The following PALS2 variants were observed in gnomAD, a reference collection of about 807,000 sequenced individuals.
PALS2 encodes the protein protein associated with LIN7 2, MAGUK p55 family member, also known as protein PALS2.
In PALS2, 27 loss-of-function variants were observed where a neutral mutation model predicts 61.6. That is an observed-to-expected ratio of 0.44 (90% CI 0.32 to 0.60). PALS2 has a LOEUF of 0.60. Ranked by LOEUF, PALS2 falls within the 20% of genes least tolerant of loss-of-function variation. The pLI is 0.05. For synonymous variants in PALS2, 236 were observed against 218.6 expected, an observed-to-expected ratio of 1.08 and a Z score of -0.70; for missense variants, 554 against 639.4, an observed-to-expected ratio of 0.87 and a Z score of 1.44.
At chr7:24,678,282 A>G (rs1224729813) in intron 9 of PALS2, among the ~76,000 whole-genome samples, 1 of 152,220 alleles carries the variant, frequency 6.6e-6, no homozygotes, top group East Asian at 1.9e-4. Context: ...AAGCTGTAAA[A>G]TATCAGACAA....
intron 1 of PALS2, among the ~76,000 whole-genome samples, chr7:24,582,708 T>A (rs1220870165): frequency 6.6e-6 from 1 of 151,892 alleles, no homozygotes; most frequent in South Asian, 2.1e-4. Context: ...ATTATTTGCT[T>A]TTTTTATTCC....
intron 5 of PALS2, 54 bp downstream of exon 5, chr7:24,650,766 A>C: frequency 1.6e-6 from 2 of 1,215,946 alleles, no homozygotes; most frequent in Non-Finnish European, 2.3e-6. Flanking sequence ...TTTTAATCAC[A>C]GTGTTGGAAA....
chr7:24,586,596 G>A (rs1783073256), intron 1 of PALS2, among the ~76,000 whole-genome samples: 1 of 152,156 alleles, frequency 6.6e-6, no homozygotes, highest in South Asian at 2.1e-4. Flanking sequence ...GAATAAGAGT[G>A]CATTAGGTTG....
intron 1 of PALS2, among the ~76,000 whole-genome samples, chr7:24,617,162 T>C (rs1193957300): frequency 4.6e-5 from 7 of 152,168 alleles, no homozygotes; most frequent in Non-Finnish European, 1.0e-4. Flanking sequence ...CCTGGTCTAG[T>C]CCTTTGTTGA....
At chr7:24,592,620 G>A (rs559552464) in intron 1 of PALS2, among the ~76,000 whole-genome samples, 2 of 152,154 alleles carry the variant, frequency 1.3e-5, no homozygotes, top group Admixed American at 6.6e-5. Flanking sequence ...GAGATATCAC[G>A]GGTTCAGTTC....
At chr7:24,654,260 T>C (rs1279569588) in intron 5 of PALS2, among the ~76,000 whole-genome samples, 2 of 151,286 alleles carry the variant, frequency 1.3e-5, no homozygotes, top group African/African-American at 2.4e-5. Flanking sequence ...ACCACTTATA[T>C]TTAATATTTT....
At chr7:24,642,281 G>T (rs1359977684) in intron 3 of PALS2, among the ~76,000 whole-genome samples, 3 of 152,146 alleles carry the variant, frequency 2.0e-5, no homozygotes, top group East Asian at 3.8e-4. Flanking sequence ...GGAACATAGA[G>T]AGCTGTGAAG....
chr7:24,648,831 G>A (rs1785982120), intron 3 of PALS2, among the ~76,000 whole-genome samples: 1 of 150,126 alleles, frequency 6.7e-6, no homozygotes, highest in African/African-American at 2.5e-5. Flanking sequence ...CTTGAACCCA[G>A]GAAGTGGGGG....
chr7:24,686,280 T>C (rs1584018333), intron 11 of PALS2, among the ~76,000 whole-genome samples: 2 of 152,188 alleles, frequency 1.3e-5, no homozygotes, highest in African/African-American at 4.8e-5. Context: ...CTCTCTGACC[T>C]GGATTCCTGC....
At chr7:24,651,899 A>G (rs1003541662) in intron 5 of PALS2, among the ~76,000 whole-genome samples, 3 of 152,180 alleles carry the variant, frequency 2.0e-5, no homozygotes, top group Non-Finnish European at 4.4e-5. Flanking sequence ...GTTCTTTCAA[A>G]GGTAAGGATA....
chr7:24,670,706 C>G (rs1787254050), intron 9 of PALS2, among the ~76,000 whole-genome samples: 1 of 152,152 alleles, frequency 6.6e-6, no homozygotes, highest in Non-Finnish European at 1.5e-5. Context: ...CACCAACTTC[C>G]TCACCCCCTG....
chr7:24,614,574 G>C (rs1313090817), intron 1 of PALS2, among the ~76,000 whole-genome samples: 1 of 151,828 alleles, frequency 6.6e-6, no homozygotes, highest in Admixed American at 6.6e-5. Flanking sequence ...ACACAACCCT[G>C]GAGCACCAGA....
At chr7:24,603,105 G>A (rs1783776649) in intron 1 of PALS2, among the ~76,000 whole-genome samples, 1 of 152,186 alleles carries the variant, frequency 6.6e-6, no homozygotes, top group Non-Finnish European at 1.5e-5. Flanking sequence ...GCATCCCTCT[G>A]TAAACCAGGA....
intron 1 of PALS2, among the ~76,000 whole-genome samples, chr7:24,603,958 G>A (rs1046194573): frequency 6.6e-6 from 1 of 152,054 alleles, no homozygotes; most frequent in African/African-American, 2.4e-5. Context: ...GTCATCATCG[G>A]GAAAAATAGT....
At position 24,690,959 on chromosome 7, in the gene PALS2, G is replaced by A. The variant is rs1253250273; in HGVS notation, c.*3345G>A. The A allele has an allele frequency of 2.0e-5, 3 of 152,074 alleles. No individual in the cohort carries two copies. Among genetic ancestry groups the A allele is most frequent in the African/African-American group, 7.2e-5 (3 of 41,416 alleles). The allele number at this position is 152,074 out of a possible 1,614,324, so 9.4% of individuals were successfully genotyped here. ...CAAATTTAGATAATAACCCAAGTTA[G>A]CAATAAAACCATGTGACATTATAGA... On this transcript the variant is annotated 3_prime_UTR_variant, in exon 12 of 12. Coordinates refer to ENST00000222644, the MANE Select transcript of PALS2 (RefSeq NM_001303037.2).
intron 1 of PALS2, among the ~76,000 whole-genome samples, chr7:24,605,346 A>C (rs769198829): frequency 6.6e-6 from 1 of 152,100 alleles, no homozygotes; most frequent in Admixed American, 6.6e-5. Flanking sequence ...AATAAACTAC[A>C]CTCATCCTAT....
chr7:24,649,476 G>A (rs1476312142), intron 3 of PALS2, 136 bp from the exon 4 acceptor site: 1 of 505,030 alleles, frequency 2.0e-6, no homozygotes, highest in Non-Finnish European at 3.3e-6. Flanking sequence ...TGATCAACCT[G>A]ATATTTGGGA....
chr7:24,692,811 T>TA lies in PALS2; in HGVS notation c.*5198dup, dbSNP rs1241276032. ...CCCGAAAACTGTCCTACTTTATCCT[T>TA]ATACCTGAAATCACTGCATACCTGA... On this transcript the variant is annotated 3_prime_UTR_variant, in exon 12 of 12. Transcript: ENST00000222644. 6.6e-6 allele frequency: 1 copy of TA among 152,170 alleles called. No individual in the cohort carries two copies. Among genetic ancestry groups the TA allele is most frequent in the African/African-American group, 2.4e-5 (1 of 41,450 alleles). The allele number at this position is 152,170 out of a possible 1,614,324, so 9.4% of individuals were successfully genotyped here.
At chr7:24,678,939 A>T (rs1446886787) in intron 9 of PALS2, among the ~76,000 whole-genome samples, 192 bp from the exon 10 acceptor site, 1 of 152,210 alleles carries the variant, frequency 6.6e-6, no homozygotes, top group Non-Finnish European at 1.5e-5. Flanking sequence ...ACCATGTATG[A>T]TACATAAACA....
Sources: gnomAD v4.1 joint callset for allele counts (sites outside exome capture counted in the v4.1 genomes callset) on GRCh38, gnomAD v4.1.1 for gene constraint, MANE v1.5 for transcripts, NCBI Gene and HGNC (gene_info 2026-07-23, HGNC 2026-07-21) for gene names.